The following JAKMIP2 variants were observed in gnomAD, a reference collection of about 807,000 sequenced individuals.
JAKMIP2 encodes janus kinase and microtubule interacting protein 2, also known as janus kinase and microtubule-interacting protein 2.
Under a neutral mutation model 115.0 loss-of-function variants are expected in JAKMIP2, and 25 were observed. That is an observed-to-expected ratio of 0.22 (90% CI 0.16 to 0.30). The LOEUF is 0.30. JAKMIP2 is among the 10% of genes least tolerant of loss of function. The probability of loss-of-function intolerance (pLI) is 1.00; values close to 1 mark genes in which losing one functional copy is unlikely to be tolerated. For synonymous variants in JAKMIP2, 334 were observed against 343.6 expected, an observed-to-expected ratio of 0.97 and a Z score of 0.31; for missense variants, 642 against 957.6, an observed-to-expected ratio of 0.67 and a Z score of 4.35.
rs1057259787 is a variant in JAKMIP2, at chr5:147,743,648, A to G, written c.-149+38808T>C. ...GAGTTTTTATTTGTGAATGCTCCAC[A>G]GTAGTGAATATCCTAATGAGTATAA... On this transcript the variant is annotated intron_variant, in intron 1 of 21. Coordinates refer to ENST00000616793, the MANE Select transcript of JAKMIP2 (RefSeq NM_001270941.2). Among the ~76,000 whole-genome samples the G allele has an allele frequency of 3.3e-5, 5 of 152,214 alleles. No homozygotes were observed. In the South Asian group the frequency reaches 1.0e-3, roughly 32 times the overall value.
At chr5:147,743,145 C>T (rs956772311) in intron 1 of JAKMIP2, among the ~76,000 whole-genome samples, 2 of 152,226 alleles carry the variant, frequency 1.3e-5, no homozygotes, top group Non-Finnish European at 2.9e-5. Context: ...TACACTGACA[C>T]TGAGAGAAGT....
chr5:147,732,505 T>C (rs1439210146), intron 1 of JAKMIP2, among the ~76,000 whole-genome samples: 1 of 152,200 alleles, frequency 6.6e-6, no homozygotes, highest in Non-Finnish European at 1.5e-5. Context: ...TAAGAGTATG[T>C]TAGAATTTAA....
intron 16 of JAKMIP2, among the ~76,000 whole-genome samples, chr5:147,626,611 G>A (rs1340917889): frequency 6.6e-6 from 1 of 152,174 alleles, no homozygotes; most frequent in Non-Finnish European, 1.5e-5. Context: ...CCAGCAGTTA[G>A]AAAGTGCCTA....
chr5:147,714,805 T>A (rs1752908072), intron 1 of JAKMIP2, among the ~76,000 whole-genome samples: 1 of 152,116 alleles, frequency 6.6e-6, no homozygotes, highest in Non-Finnish European at 1.5e-5. Context: ...ACTACCCAAA[T>A]TTGAATTCCA....
chr5:147,756,935 G>A (rs1754765098), intron 1 of JAKMIP2, among the ~76,000 whole-genome samples: 1 of 152,148 alleles, frequency 6.6e-6, no homozygotes, highest in African/African-American at 2.4e-5. Flanking sequence ...ATATTTTATA[G>A]TAGGTGCTCA....
At chr5:147,646,009 C>T (rs992070851) in intron 5 of JAKMIP2, among the ~76,000 whole-genome samples, 1 of 152,024 alleles carries the variant, frequency 6.6e-6, no homozygotes, top group Non-Finnish European at 1.5e-5. Context: ...TCTTTTCTTA[C>T]TAATGATTCT....
chr5:147,657,330 C>T (rs1303574487), intron 3 of JAKMIP2, among the ~76,000 whole-genome samples: 1 of 152,158 alleles, frequency 6.6e-6, no homozygotes, highest in Non-Finnish European at 1.5e-5. Context: ...ACTATTGGCC[C>T]CTACTCTCTT....
intron 19 of JAKMIP2, 89 bp downstream of exon 19, chr5:147,617,822 C>T: frequency 9.9e-7 from 1 of 1,010,580 alleles, no homozygotes; most frequent in Non-Finnish European, 1.5e-6. Flanking sequence ...TCCTGGGCTT[C>T]TCCGTACCCA....
At chr5:147,707,444 G>A (rs1429105793) in intron 1 of JAKMIP2, among the ~76,000 whole-genome samples, 11 of 151,780 alleles carry the variant, frequency 7.2e-5, no homozygotes. Context: ...ATCACTATGG[G>A]GAAAAATCCA....
intron 1 of JAKMIP2, among the ~76,000 whole-genome samples, chr5:147,778,356 T>C (rs148106256): frequency 3.5e-3 from 534 of 152,226 alleles, no homozygotes; most frequent in Non-Finnish European, 5.6e-3. Context: ...GTTAGTGTAT[T>C]TGGCAATTAA....
chr5:147,709,152 T>C (rs980560401), intron 1 of JAKMIP2, among the ~76,000 whole-genome samples: 11 of 152,242 alleles, frequency 7.2e-5, no homozygotes, highest in Admixed American at 5.9e-4. Flanking sequence ...ATGACATAAA[T>C]AGATTTACGG....
chr5:147,711,887 T>C (rs1752796205), intron 1 of JAKMIP2, among the ~76,000 whole-genome samples: 2 of 152,168 alleles, frequency 1.3e-5, no homozygotes, highest in African/African-American at 4.8e-5. Flanking sequence ...AGGCTGGTCT[T>C]GAATTCCTGA....
chr5:147,652,801 C>T (rs1392265265), intron 3 of JAKMIP2, among the ~76,000 whole-genome samples: 1 of 152,016 alleles, frequency 6.6e-6, no homozygotes, highest in Non-Finnish European at 1.5e-5. Context: ...ATCAACCGGT[C>T]CTCTAGGTTT....
At chr5:147,705,889 C>T (rs1448186510) in intron 1 of JAKMIP2, among the ~76,000 whole-genome samples, 1 of 152,226 alleles carries the variant, frequency 6.6e-6, no homozygotes, top group Non-Finnish European at 1.5e-5. Context: ...TGGGGAAACA[C>T]TCCTGTGTTG....
chr5:147,669,685 T>C (rs897981479), intron 2 of JAKMIP2, among the ~76,000 whole-genome samples: 2 of 152,134 alleles, frequency 1.3e-5, no homozygotes, highest in African/African-American at 4.8e-5. Flanking sequence ...TCCCTTGAAG[T>C]GTGATGTTGC....
At chr5:147,677,173 C>A (rs761943792) in intron 1 of JAKMIP2, among the ~76,000 whole-genome samples, 2 of 152,170 alleles carry the variant, frequency 1.3e-5, no homozygotes, top group Non-Finnish European at 2.9e-5. Context: ...ATATGTAGTA[C>A]CTATGACACT....
intron 2 of JAKMIP2, among the ~76,000 whole-genome samples, chr5:147,670,103 C>T (rs1248531964): frequency 2.0e-5 from 3 of 152,162 alleles, no homozygotes; most frequent in Admixed American, 6.5e-5. Context: ...CATCATGTTC[C>T]CTTTGGCTTC....
intron 10 of JAKMIP2, among the ~76,000 whole-genome samples, chr5:147,639,212 A>G (rs999084997): frequency 2.4e-4 from 36 of 152,330 alleles, no homozygotes; most frequent in African/African-American, 8.2e-4. Context: ...GTTAAATGAG[A>G]TAGTGTCTGT....
At chr5:147,622,931 G>T (rs1756918330) in intron 17 of JAKMIP2, among the ~76,000 whole-genome samples, 1 of 151,924 alleles carries the variant, frequency 6.6e-6, no homozygotes. Context: ...TATCTTTTTG[G>T]TTGTGGGAAC....
Sources: allele counts gnomAD v4.1 joint callset (sites outside exome capture counted in the v4.1 genomes callset), GRCh38; gene constraint gnomAD v4.1.1; transcripts MANE v1.5; gene names NCBI Gene and HGNC (gene_info 2026-07-23, HGNC 2026-07-21).